TBC1D9: variants seen among roughly 807,000 people sequenced by gnomAD.
TBC1D9 encodes TBC1 domain family member 9, also known as TBC1 domain family member 9A.
A neutral mutation model predicts 132.0 loss-of-function variants in TBC1D9; 63 were observed. The ratio of observed to expected loss-of-function variants is 0.48; its 90% confidence interval spans 0.39 to 0.59. The LOEUF (loss-of-function observed/expected upper bound fraction) is 0.59, where lower values mean the gene tolerates loss of function less well. Among genes scored for constraint, TBC1D9 ranks in the 20% least tolerant of loss-of-function variants. The pLI is 0.00. For missense variants in TBC1D9, 1,261 were observed against 1,592.7 expected, an observed-to-expected ratio of 0.79 and a Z score of 3.54; for synonymous variants, 610 against 609.9, an observed-to-expected ratio of 1.00 and a Z score of 0.00.
At chr4:140,695,804 G>A (rs1005724765) in intron 2 of TBC1D9, among the ~76,000 whole-genome samples, 1 of 152,124 alleles carries the variant, frequency 6.6e-6, no homozygotes, top group Non-Finnish European at 1.5e-5. Context: ...GCTGCTGGTA[G>A]CATATCTGTA....
intron 15 of TBC1D9, among the ~76,000 whole-genome samples, chr4:140,638,029 T>G (rs901199933): frequency 1.3e-5 from 2 of 152,176 alleles, no homozygotes; most frequent in Non-Finnish European, 2.9e-5. Context: ...AATAAAACAG[T>G]GGTGCCCTCC....
chr4:140,647,924 G>A (rs928437429), intron 13 of TBC1D9, among the ~76,000 whole-genome samples: 3 of 152,114 alleles, frequency 2.0e-5, no homozygotes, highest in Admixed American at 6.5e-5. Context: ...GACTTTGGGG[G>A]GGGTCTCTCC....
intron 13 of TBC1D9, chr4:140,644,954 T>C: frequency 2.2e-6 from 1 of 454,394 alleles, no homozygotes; most frequent in East Asian, 6.1e-5. Flanking sequence ...GAGATGGAGG[T>C]CCCAAGCCCC....
At chr4:140,747,023 A>C (rs1211132996) in intron 1 of TBC1D9, among the ~76,000 whole-genome samples, 1 of 151,778 alleles carries the variant, frequency 6.6e-6, no homozygotes, top group Non-Finnish European at 1.5e-5. Context: ...ATAAAAAATA[A>C]ATAAATAAAT....
At chr4:140,700,056 G>A (rs1387367931) in intron 2 of TBC1D9, among the ~76,000 whole-genome samples, 2 of 152,010 alleles carry the variant, frequency 1.3e-5, no homozygotes, top group Admixed American at 6.5e-5. Context: ...CTTTACTTTG[G>A]GAAGCCAAAG....
At chr4:140,653,952 G>A (rs540883228) in intron 13 of TBC1D9, among the ~76,000 whole-genome samples, 9 of 152,260 alleles carry the variant, frequency 5.9e-5, no homozygotes, top group Non-Finnish European at 8.8e-5. Context: ...CTTTGCTTTC[G>A]CTTTAAAAAT....
chr4:140,660,803 A>G (rs984891501), intron 10 of TBC1D9, among the ~76,000 whole-genome samples: 1 of 152,204 alleles, frequency 6.6e-6, no homozygotes, highest in African/African-American at 2.4e-5. Context: ...CAGTAGAGGG[A>G]GACTAACGTG....
chr4:140,675,982 C>A (rs1737617044), intron 6 of TBC1D9, among the ~76,000 whole-genome samples: 1 of 152,166 alleles, frequency 6.6e-6, no homozygotes, highest in Admixed American at 6.5e-5. Flanking sequence ...GCTTTCAAAG[C>A]AAATCAACCA....
chr4:140,731,218 G>C (rs1738584417), intron 1 of TBC1D9, among the ~76,000 whole-genome samples: 1 of 152,202 alleles, frequency 6.6e-6, no homozygotes, highest in African/African-American at 2.4e-5. Context: ...GCACAATGAT[G>C]ATGGTAAGTG....
At chr4:140,738,417 A>G (rs1170155495) in intron 1 of TBC1D9, among the ~76,000 whole-genome samples, 1 of 152,124 alleles carries the variant, frequency 6.6e-6, no homozygotes, top group Non-Finnish European at 1.5e-5. Context: ...AGAGCCTCCT[A>G]AGAATGTAAC....
chr4:140,639,452 C>T, intron 13 of TBC1D9, 24 bp from the exon 14 acceptor site: 1 of 1,550,616 alleles, frequency 6.4e-7, no homozygotes, highest in Non-Finnish European at 8.8e-7. Context: ...ATATTGGTGT[C>T]TCTGAAAAAA....
At chr4:140,724,020 G>A (rs1738462046) in intron 1 of TBC1D9, among the ~76,000 whole-genome samples, 1 of 152,198 alleles carries the variant, frequency 6.6e-6, no homozygotes, top group Non-Finnish European at 1.5e-5. Context: ...TGGGATTACA[G>A]GTGTGAGCCA....
rs372568648 is a variant in TBC1D9 at position 140,657,621 on chromosome 4, C to G, written c.2113G>C (p.Val705Leu). The change falls in exon 12 of 21, where the codon GTG (valine) becomes CTG (leucine). Residue 705 changes from valine (V) to leucine (L), a missense_variant. By Grantham distance (32) the Val-to-Leu change is conservative. This residue lies in a region of TBC1D9 where 618 missense variants were observed against 724.4 expected (regional missense o/e 0.85). Coordinates refer to ENST00000442267, the MANE Select transcript of TBC1D9 (RefSeq NM_015130.3). ...ACAGCTAGGGCCAACTGGAATATCACTTTAATTCCTTCATAGAAGAAACAG... is the reference window on the plus strand; with the variant it reads ...ACAGCTAGGGCCAACTGGAATATCAGTTTAATTCCTTCATAGAAGAAACAG... ...VDCFFYEGIKVIFQLALAVLD... is the reference protein window; with the variant it reads ...VDCFFYEGIKLIFQLALAVLD... 6.2e-7 allele frequency: 1 copy of G among 1,613,882 alleles called. No homozygotes were observed. Among genetic ancestry groups the G allele is most frequent in the African/African-American group, 1.3e-5 (1 of 74,914 alleles).
At chr4:140,750,125 A>G (rs867076223) in intron 1 of TBC1D9, among the ~76,000 whole-genome samples, 4 of 150,288 alleles carry the variant, frequency 2.7e-5, no homozygotes, top group Middle Eastern at 3.4e-3. Context: ...AAATAAAATA[A>G]AATAAAATGA....
chr4:140,697,438 C>A (rs927930528), intron 2 of TBC1D9, among the ~76,000 whole-genome samples: 1 of 152,118 alleles, frequency 6.6e-6, no homozygotes, highest in Admixed American at 6.5e-5. Context: ...ACTTTCACAA[C>A]GCCTGTCACT....
At chr4:140,749,122 T>C (rs1398371471) in intron 1 of TBC1D9, among the ~76,000 whole-genome samples, 1 of 152,068 alleles carries the variant, frequency 6.6e-6, no homozygotes, top group South Asian at 2.1e-4. Context: ...TATCAGCAAT[T>C]TGGGAGGCTG....
At chr4:140,726,075 G>A (rs892047830) in intron 1 of TBC1D9, among the ~76,000 whole-genome samples, 8 of 152,086 alleles carry the variant, frequency 5.3e-5, no homozygotes, top group Non-Finnish European at 1.0e-4. Context: ...GATCACTTCA[G>A]GTCAGGATTT....
intron 13 of TBC1D9, chr4:140,642,290 A>C: frequency 1.4e-6 from 1 of 716,666 alleles, no homozygotes; most frequent in Non-Finnish European, 2.5e-6. Context: ...CAAACGCGGA[A>C]TGGGCCGACT....
chr4:140,641,114 A>C (rs976312560), intron 13 of TBC1D9, among the ~76,000 whole-genome samples: 19 of 146,486 alleles, frequency 1.3e-4, no homozygotes, highest in Non-Finnish European at 2.6e-4. Context: ...ACAAAAAAAA[A>C]CAGAAGCAAA....
Sources: allele counts gnomAD v4.1 joint callset (sites outside exome capture counted in the v4.1 genomes callset), GRCh38; gene constraint gnomAD v4.1.1; regional missense constraint gnomAD v4.1.1; transcripts MANE v1.5; gene names NCBI Gene and HGNC (gene_info 2026-07-23, HGNC 2026-07-21).